The following AURKAIP1 variants were observed in gnomAD, a reference collection of about 807,000 sequenced individuals.
AURKAIP1 encodes aurora kinase A interacting protein 1.
A neutral mutation model predicts 18.4 loss-of-function variants in AURKAIP1; 20 were observed. The ratio of observed to expected loss-of-function variants is 1.09; its 90% CI spans 0.77 to 1.58. AURKAIP1 has a LOEUF of 1.58. AURKAIP1 is among the 40% of genes most tolerant of loss of function. AURKAIP1 has a pLI of 0.00. For synonymous variants in AURKAIP1, 156 were observed against 120.8 expected (o/e 1.29, Z -1.91); for missense variants, 319 against 270.7 (o/e 1.18, Z -1.25).
At chr1:1,375,033 C>G (rs1269784682) in intron 1 of AURKAIP1, 121 bp downstream of exon 1, 1 of 392,368 alleles carries the variant, frequency 2.5e-6, no homozygotes, top group South Asian at 3.2e-5. Flanking sequence ...GCCCCCTCCC[C>G]GGGTTCACCC....
chr1:1,374,051 C>T lies in AURKAIP1; in HGVS notation c.447G>A (p.Lys149=). The T allele has an allele frequency of 6.2e-7, 1 of 1,607,798 alleles. No homozygotes were observed. Among genetic ancestry groups the T allele is most frequent in the Non-Finnish European group, 8.5e-7 (1 of 1,176,272 alleles). ...NHHKYRKLVK[K]TRFLRRKVQE... ...GGACCTTCCTCCGCAGGAACCGCGT[C>T]TTCTTCACCAGCTTCCGGTACTTGT... The change falls in exon 3 of 4, where the codon AAG becomes AAA. Residue 149 remains lysine, a synonymous_variant. Coordinates refer to ENST00000338338, the MANE Select transcript of AURKAIP1 (RefSeq NM_017900.3).
chr1:1,374,168 T>A lies in AURKAIP1; in HGVS notation c.330A>T (p.Glu110Asp), dbSNP rs749721962. The change falls in exon 3 of 4, where the codon GAA becomes GAT. Residue 110 changes from glutamate (E) to aspartate (D), a missense_variant. Coordinates refer to ENST00000338338, the MANE Select transcript of AURKAIP1 (RefSeq NM_017900.3). ...CGCCTTCATCCCCCTGCTCGGCCCC[T>A]TCCCCTATCTGGCTGGGCGGACACT... ...SYQCPPSQIG[E>D]GAEQGDEGVA... The A allele has an allele frequency of 6.2e-7, 1 of 1,613,896 alleles. No homozygotes were observed. The highest frequency in any genetic ancestry group is 8.5e-7 in the Non-Finnish European group (1 of 1,180,002).
At position 1,374,343 on chromosome 1, in the gene AURKAIP1, G is replaced by A; in HGVS notation, c.155C>T (p.Pro52Leu). 3 of 1,556,980 alleles carry A rather than the reference G, an allele frequency of 1.9e-6. No individual in the cohort carries two copies. Among genetic ancestry groups the A allele is most frequent in the Non-Finnish European group, 2.6e-6 (3 of 1,154,536 alleles). Residue 52 changes from proline (P) to leucine (L), a missense_variant, in exon 3 of 4, where the codon CCT becomes CTT. Coordinates refer to ENST00000338338, the MANE Select transcript of AURKAIP1 (RefSeq NM_017900.3). ...PAGPGRAASL[P>L]RKGAQLELEE... ...CAGCTCCAGCTGGGCCCCCTTGCGA[G>A]GGAGAGAGGCCGCCCTACCTGGGCC...
intron 2 of AURKAIP1, 97 bp downstream of exon 2, chr1:1,374,608 G>A: frequency 1.4e-6 from 2 of 1,412,392 alleles, no homozygotes; most frequent in Admixed American, 2.0e-5. Context: ...GGGAAAGAGT[G>A]TGTGTGTGGC....
intron 1 of AURKAIP1, 45 bp from the exon 2 acceptor site, chr1:1,374,835 T>G: frequency 7.1e-7 from 1 of 1,402,358 alleles, no homozygotes; most frequent in Non-Finnish European, 9.7e-7. Context: ...GCGCCTTCAG[T>G]AGTCGCGGGC....
intron 2 of AURKAIP1, 51 bp from the exon 3 acceptor site, chr1:1,374,496 G>A: frequency 7.0e-7 from 1 of 1,423,902 alleles, no homozygotes; most frequent in Non-Finnish European, 9.2e-7. Flanking sequence ...ACACAGGCCC[G>A]TCGGGTTGAG....
rs200065147 is a variant in AURKAIP1, at chr1:1,373,876, G to A, written c.525C>T (p.Arg175=). ...CCTTTAGCCCCGCCTTCAGCCAGAT[G>A]CGCCTCAGGTCTTTCTCGAACTTGA... is the stretch of plus-strand genomic sequence containing the variant. ...KQIKFEKDLR[R]IWLKAGLKEA... Residue 175 remains arginine (R), a synonymous_variant, in exon 4 of 4, where the codon CGC becomes CGT. Coordinates refer to ENST00000338338, the MANE Select transcript of AURKAIP1 (RefSeq NM_017900.3). 4 of 1,608,302 alleles carry A rather than the reference G, an allele frequency of 2.5e-6. No individual in the cohort carries two copies. The highest frequency in any genetic ancestry group is 1.7e-5 in the Admixed American group (1 of 60,002).
chr1:1,374,434 G>A lies in AURKAIP1; in HGVS notation c.64C>T (p.Pro22Ser), dbSNP rs769296320. ...RAVPWAGGRP[P>S]WPVSGVLGSR... The stretch of plus-strand genomic sequence containing the variant: ...CCCAGCACTCCAGAGACGGGCCAAG[G>A]CGGGCGGCCGCCTGCAGAAAACCAG... The change falls in exon 3 of 4, where the codon CCT becomes TCT. Residue 22 changes from proline to serine, a missense_variant. Pro to Ser is a moderately conservative substitution (Grantham distance 74, BLOSUM62 -1). Coordinates refer to ENST00000338338, the MANE Select transcript of AURKAIP1 (RefSeq NM_017900.3). 4 of 1,447,940 alleles carry A rather than the reference G, an allele frequency of 2.8e-6. No homozygotes were observed. Among genetic ancestry groups the A allele is most frequent in the Admixed American group, 2.8e-5 (1 of 35,616 alleles). The allele number at this position is 1,447,940 out of a possible 1,614,324, so 89.7% of individuals were successfully genotyped here.
chr1:1,374,468 G>A, intron 2 of AURKAIP1, 23 bp from the exon 3 acceptor site: 1 of 1,438,910 alleles, frequency 6.9e-7, no homozygotes, highest in Non-Finnish European at 9.1e-7. Context: ...AGACGCCACG[G>A]TCACCGCTCG....
In AURKAIP1 at chr1:1,373,906, C is replaced by T; in HGVS notation, c.499-4G>A. 6.2e-7 allele frequency: 1 copy of T among 1,609,166 alleles called. No homozygotes were observed. Among genetic ancestry groups the T allele is most frequent in the Non-Finnish European group, 8.5e-7 (1 of 1,179,988 alleles). On this transcript the variant is annotated splice_polypyrimidine_tract_variant and splice_region_variant and intron_variant, in intron 3 of 3. Coordinates refer to ENST00000338338, the MANE Select transcript of AURKAIP1 (RefSeq NM_017900.3). ...TCAGGTCTTTCTCGAACTTGATCTG[C>T]AAGACGCAGAGAGAGGGACCGCCAA...
In AURKAIP1 at chr1:1,374,789, A is replaced by T. The variant is rs1262521184; in HGVS notation, c.-33T>A. The T allele has an allele frequency of 4.5e-6, 7 of 1,547,522 alleles. No individual in the cohort carries two copies. The highest frequency in any genetic ancestry group is 6.1e-6 in the Non-Finnish European group (7 of 1,145,502). The stretch of plus-strand genomic sequence containing the variant: ...GGGCGGCGGCCACAGGTCCCAGGGG[A>T]GCTGGAACACAAGTGCCCGTTCAGG... On this transcript the variant is annotated splice_region_variant and 5_prime_UTR_variant, in exon 2 of 4. Transcript: ENST00000338338.
In AURKAIP1 at chr1:1,374,153, C is replaced by T; in HGVS notation, c.345G>A (p.Gly115=). The T allele has an allele frequency of 1.9e-6, 3 of 1,613,984 alleles. No homozygotes were observed. The highest frequency in any genetic ancestry group is 4.5e-5 in the East Asian group (2 of 44,890). The change falls in exon 3 of 4, where the codon GGG becomes GGA. Residue 115 remains glycine (G), a synonymous_variant. Coordinates refer to ENST00000338338, the MANE Select transcript of AURKAIP1 (RefSeq NM_017900.3). ...GAGGCGCATCCGCGACGCCTTCATCCCCCTGCTCGGCCCCTTCCCCTATCT... is the reference window on the plus strand; with the variant it reads ...GAGGCGCATCCGCGACGCCTTCATCTCCCTGCTCGGCCCCTTCCCCTATCT... ...PSQIGEGAEQ[G]DEGVADAPQI...
rs1485762593 is a variant in AURKAIP1, at chr1:1,374,339, G to A, written c.159C>T (p.Arg53=). The A allele has an allele frequency of 9.0e-6, 14 of 1,560,508 alleles. No individual in the cohort carries two copies. The highest frequency in any genetic ancestry group is 1.2e-5 in the Non-Finnish European group (14 of 1,156,130). The change falls in exon 3 of 4, where the codon CGC becomes CGT. Residue 53 remains arginine (R), a synonymous_variant. Coordinates refer to ENST00000338338, the MANE Select transcript of AURKAIP1 (RefSeq NM_017900.3). ...AGPGRAASLP[R]KGAQLELEEM... is the part of the protein sequence containing the mutation. ...CCTCCAGCTCCAGCTGGGCCCCCTT[G>A]CGAGGGAGAGAGGCCGCCCTACCTG...
rs754290379 is a variant in AURKAIP1, at chr1:1,374,281, G to C, written c.217C>G (p.Pro73Ala). 1.3e-6 allele frequency: 2 copies of C among 1,596,074 alleles called. No homozygotes were observed. Among genetic ancestry groups the C allele is most frequent in the Non-Finnish European group, 8.5e-7 (1 of 1,171,942 alleles). ...MLVPRKMSVS[P>A]LESWLTARCF... ...CGGGCCGTGAGCCAGCTCTCCAGGG[G>C]GCTGACGGACATCTTCCTGGGGACC... The change falls in exon 3 of 4, where the codon CCC (proline) becomes GCC (alanine). Residue 73 changes from proline to alanine, a missense_variant. Coordinates refer to ENST00000338338, the MANE Select transcript of AURKAIP1 (RefSeq NM_017900.3).
intron 3 of AURKAIP1, 24 bp from the exon 4 acceptor site, chr1:1,373,926 C>T: frequency 1.2e-6 from 2 of 1,608,988 alleles, no homozygotes; most frequent in Non-Finnish European, 1.7e-6. Flanking sequence ...AGAGAGGGAC[C>T]GCCAAGTAAT....
chr1:1,373,930 A>G, intron 3 of AURKAIP1, 28 bp from the exon 4 acceptor site: 1 of 1,609,100 alleles, frequency 6.2e-7, no homozygotes, highest in East Asian at 2.2e-5. Flanking sequence ...AGGGACCGCC[A>G]AGTAATTCGT....
At position 1,374,602 on chromosome 1, in the gene AURKAIP1, AAG is replaced by A. The variant is rs576921931; in HGVS notation, c.52+101_52+102del. ...GTGAGCATCGGAAGCTTAGAGGGGA[AAG>A]AGTGTGTGTGTGGCCACCGGCCCTG... On this transcript the variant is annotated intron_variant, in intron 2 of 3. Coordinates refer to ENST00000338338, the MANE Select transcript of AURKAIP1 (RefSeq NM_017900.3). 1.7e-3 allele frequency: 2,364 copies of A among 1,401,924 alleles called. 5 individuals carry two copies. The highest frequency in any genetic ancestry group is 2.1e-3 in the Non-Finnish European group (2,181 of 1,014,514). The allele number at this position is 1,401,924 out of a possible 1,614,324, so 86.8% of individuals were successfully genotyped here.
In AURKAIP1 at chr1:1,373,837, G is replaced by A. The variant is rs760961069; in HGVS notation, c.564C>T (p.Gly188=). The part of the protein sequence containing the change: ...LKAGLKEAPE[G]WQTPKIYLRG... ...GCAGGTAGATCTTGGGGGTCTGCCA[G>A]CCTTCGGGGGCTTCCTTTAGCCCCG... The change falls in exon 4 of 4, where the codon GGC becomes GGT. Residue 188 remains glycine (G), a synonymous_variant. Transcript: ENST00000338338. 6.2e-7 allele frequency: 1 copy of A among 1,602,488 alleles called. No homozygotes were observed. Among genetic ancestry groups the A allele is most frequent in the South Asian group, 1.1e-5 (1 of 91,068 alleles).
rs1644322180 is a variant in AURKAIP1 at position 1,374,139 on chromosome 1, G to A, written c.359C>T (p.Ala120Val). Residue 120 changes from alanine (A) to valine (V), a missense_variant, in exon 3 of 4, where the codon GCG becomes GTG. Transcript: ENST00000338338. ...EGAEQGDEGV[A>V]DAPQIQCKNV... ...TTTGCACTGAATTTGAGGCGCATCC[G>A]CGACGCCTTCATCCCCCTGCTCGGC... The A allele has an allele frequency of 1.9e-6, 3 of 1,613,764 alleles. No homozygotes were observed. Among genetic ancestry groups the A allele is most frequent in the African/African-American group, 1.3e-5 (1 of 74,948 alleles).
Sources: gnomAD v4.1 joint callset for allele counts on GRCh38, gnomAD v4.1.1 for gene constraint, MANE v1.5 for transcripts, NCBI Gene and HGNC (gene_info 2026-07-23, HGNC 2026-07-21) for gene names.